PDE4C: variants seen among roughly 807,000 people sequenced by gnomAD.
PDE4C encodes the protein 3',5'-cyclic-AMP phosphodiesterase 4C.
In PDE4C, 50 loss-of-function variants were observed where a neutral mutation model predicts 63.9. The ratio of observed to expected loss-of-function variants is 0.78; its 90% confidence interval spans 0.62 to 0.99. PDE4C has a LOEUF of 0.99. PDE4C is among the 50% of genes least tolerant of loss of function. PDE4C has a pLI of 0.00. For missense variants in PDE4C, 777 were observed against 899.1 expected, an observed-to-expected ratio of 0.86 and a Z score of 1.74; for synonymous variants, 377 against 385.1, an observed-to-expected ratio of 0.98 and a Z score of 0.25.
At chr19:18,250,324 G>A (rs763735372), upstream of PDE4C, 23 of 398,976 alleles carry the variant, frequency 5.8e-5, no homozygotes, top group South Asian at 2.5e-4. Context: ...TGGACACCTC[G>A]TCCAGGTTCT....
chr19:18,243,507 T>TA (rs1568269029), intron 1 of PDE4C, among the ~76,000 whole-genome samples: 1 of 62,490 alleles, frequency 1.6e-5, no homozygotes, highest in Non-Finnish European at 2.6e-5. Flanking sequence ...ATGGGGAAAA[T>TA]TGGGGGAAGC....
intron 14 of PDE4C, 85 bp from the exon 15 acceptor site, chr19:18,211,361 T>G: frequency 8.6e-7 from 1 of 1,164,342 alleles, no homozygotes; most frequent in Non-Finnish European, 1.2e-6. Flanking sequence ...TTTAGCCAAG[T>G]TGTTCCCTCT....
chr19:18,254,775 A>T, the PDE4C span, among the ~76,000 whole-genome samples: 1 of 152,196 alleles, frequency 6.6e-6, no homozygotes, highest in Admixed American at 6.6e-5. Flanking sequence ...ACTGTCTTAT[A>T]GGAGAGCAAG....
intron 1 of PDE4C, chr19:18,224,606 G>T: frequency 1.4e-6 from 1 of 738,394 alleles, no homozygotes; most frequent in Non-Finnish European, 1.7e-6. Flanking sequence ...GTCCGGTTAC[G>T]CTCGGTCTGC....
At chr19:18,215,147 C>T (rs754582937) in intron 12 of PDE4C, among the ~76,000 whole-genome samples, 19 of 152,092 alleles carry the variant, frequency 1.2e-4, no homozygotes, top group East Asian at 1.9e-4. Context: ...CCTCACCAAA[C>T]GTTTAGTTCT....
At chr19:18,244,891 A>T (rs1969104570) in intron 1 of PDE4C, among the ~76,000 whole-genome samples, 1 of 151,364 alleles carries the variant, frequency 6.6e-6, no homozygotes, top group South Asian at 2.1e-4. Flanking sequence ...GCTGAAGTGC[A>T]GTGGCGCGAT....
chr19:18,241,306 G>A (rs540090465), intron 1 of PDE4C, among the ~76,000 whole-genome samples: 10 of 115,128 alleles, frequency 8.7e-5, no homozygotes, highest in South Asian at 5.6e-4. Flanking sequence ...TCGCTCTGTC[G>A]CCCAGGCTGG....
intron 1 of PDE4C, among the ~76,000 whole-genome samples, chr19:18,232,515 C>T (rs1186162488): frequency 1.3e-5 from 2 of 151,838 alleles, no homozygotes; most frequent in African/African-American, 4.8e-5. Context: ...ACCCCGAAAA[C>T]CTTCGGACCC....
chr19:18,247,828 C>T (rs1009726647), intron 1 of PDE4C, among the ~76,000 whole-genome samples: 2 of 152,210 alleles, frequency 1.3e-5, no homozygotes, highest in East Asian at 1.9e-4. Flanking sequence ...ACACTCTCTG[C>T]ACCCTCCCTT....
chr19:18,226,431 G>A, exon 1 of PDE4C: 1 of 1,381,028 alleles, frequency 7.2e-7, no homozygotes, highest in Non-Finnish European at 9.3e-7. Context: ...GGACTGCGTG[G>A]AGGCTGGACC....
upstream of PDE4C, chr19:18,251,934 A>T (rs1452578245): frequency 1.5e-5 from 6 of 396,710 alleles, no homozygotes; most frequent in Non-Finnish European, 2.7e-5. Context: ...GCTTTAGACA[A>T]TGGAGCAGAG....
At chr19:18,212,832 C>T (rs1175638348) in intron 13 of PDE4C, among the ~76,000 whole-genome samples, 2 of 151,024 alleles carry the variant, frequency 1.3e-5, no homozygotes, top group South Asian at 2.1e-4. Flanking sequence ...AGATTACAGG[C>T]GCCCGCCACC....
At position 18,219,283 on chromosome 19, in the gene PDE4C, G is replaced by A. The variant is rs748615888; in HGVS notation, c.821C>T (p.Thr274Ile). ...AGTCTGGACCCCAAAGCGTGGGACA[G>A]TGGCTGAGGAGAGGCTGGCACTGTG... is the stretch of plus-strand genomic sequence containing the variant. The change falls in exon 8 of 15, where the codon ACT becomes ATT. Residue 274 changes from threonine (T) to isoleucine (I), a missense_variant. Coordinates refer to ENST00000262805, the Ensembl canonical transcript of PDE4C. 14 of 1,614,084 alleles carry A rather than the reference G, an allele frequency of 8.7e-6. No homozygotes were observed. In the East Asian group the frequency reaches 8.9e-5, roughly 10 times the overall value.
At chr19:18,212,943 C>T (rs1162713224) in intron 13 of PDE4C, among the ~76,000 whole-genome samples, 2 of 148,616 alleles carry the variant, frequency 1.3e-5, no homozygotes, top group Non-Finnish European at 3.0e-5. Flanking sequence ...GCCTCGGCCT[C>T]CCAAAGTGCT....
upstream of PDE4C, among the ~76,000 whole-genome samples, chr19:18,234,051 G>A (rs148994364): frequency 4.7e-4 from 71 of 152,304 alleles, no homozygotes; most frequent in African/African-American, 1.7e-3. Context: ...TCTGGGATGG[G>A]CACACAGAGG....
Position 18,211,287 on chromosome 19 carries a change from G to C in PDE4C, c.1696-11C>G. The C allele has an allele frequency of 6.4e-7, 1 of 1,551,832 alleles. No homozygotes were observed. The highest frequency in any genetic ancestry group is 8.7e-7 in the Non-Finnish European group (1 of 1,144,782). On this transcript the variant is annotated splice_polypyrimidine_tract_variant and intron_variant, in intron 14 of 14. Transcript: ENST00000262805. ...GTCAATGAAACCCACCTGTGGCGGG[G>C]GGTGGGGCATGTCGGCATTTGGTGA...
At chr19:18,244,347 T>A (rs539212528) in intron 1 of PDE4C, among the ~76,000 whole-genome samples, 261 of 151,476 alleles carry the variant, frequency 1.7e-3, no homozygotes, top group Non-Finnish European at 2.1e-3. Context: ...CAGGCTGGAG[T>A]GCAGTGGCGC....
intron 1 of PDE4C, among the ~76,000 whole-genome samples, chr19:18,242,415 G>A (rs1403710972): frequency 7.3e-6 from 1 of 136,682 alleles, no homozygotes; most frequent in Non-Finnish European, 1.5e-5. Flanking sequence ...GGCGGAGGCT[G>A]CAGTAAGCCG....
exon 15 of PDE4C, chr19:18,211,015 C>T: frequency 1.2e-6 from 2 of 1,614,224 alleles, no homozygotes; most frequent in Admixed American, 1.7e-5. Flanking sequence ...AACTCCAAGG[C>T]CTCTTTGGCT....
Sources: gnomAD v4.1 joint callset for allele counts (sites outside exome capture counted in the v4.1 genomes callset) on GRCh38, gnomAD v4.1.1 for gene constraint, MANE v1.5 for transcripts, NCBI Gene and HGNC (gene_info 2026-07-23, HGNC 2026-07-21) for gene names.